Variants in MPC2 observed in about 807,000 individuals in gnomAD.
The protein encoded by MPC2 is mitochondrial pyruvate carrier 2.
In MPC2, 19 loss-of-function variants were observed where a neutral mutation model predicts 19.2. That is an observed-to-expected ratio of 0.99 (90% CI 0.69 to 1.45). MPC2 has a LOEUF of 1.45. Among genes scored for constraint, MPC2 ranks in the 40% most tolerant of loss-of-function variants. MPC2 has a pLI of 0.00. For synonymous variants in MPC2, 61 were observed against 54.3 expected (o/e 1.12, Z -0.54); for missense variants, 122 against 153.0 (o/e 0.80, Z 1.07).
In MPC2 at chr1:167,928,852, TG is replaced by T. The variant is rs1670826343; in HGVS notation, c.110-4316del. Among the ~76,000 whole-genome samples, 6 of 152,236 alleles carry T rather than the reference TG, an allele frequency of 3.9e-5. No homozygotes were observed. In the South Asian group the frequency reaches 1.2e-3, roughly 31 times the overall value. ...AAATAACTTGATTAGGTGGAAAATTTGAACTGCTGAAAATATACTGAAGAAA... is the reference window on the plus strand; with the variant it reads ...AAATAACTTGATTAGGTGGAAAATTTAACTGCTGAAAATATACTGAAGAAA... On this transcript the variant is annotated intron_variant, in intron 2 of 5. Coordinates refer to ENST00000271373, the MANE Select transcript of MPC2 (RefSeq NM_001143674.4).
At chr1:167,930,367 CT>C (rs1255837973) in intron 2 of MPC2, among the ~76,000 whole-genome samples, 1 of 152,164 alleles carries the variant, frequency 6.6e-6, no homozygotes, top group African/African-American at 2.4e-5. Flanking sequence ...TTTAGAAAGA[CT>C]GTTGAAATCA....
chr1:167,936,847 GTCCCCTCCCCCTCC>G (rs949252093), intron 1 of MPC2, 78 bp downstream of exon 1: 11 of 1,363,658 alleles, frequency 8.1e-6, no homozygotes, highest in Middle Eastern at 2.5e-4. Flanking sequence ...TGAAACGGGT[GTCCCCTCCCCCTCC>G]TCCCCTCCCC....
intron 2 of MPC2, among the ~76,000 whole-genome samples, chr1:167,929,780 C>T (rs932492945): frequency 6.6e-6 from 1 of 152,144 alleles, no homozygotes; most frequent in South Asian, 2.1e-4. Context: ...CACATATACA[C>T]ACTTACAAAT....
chr1:167,926,275 T>G (rs2102543785), intron 2 of MPC2, among the ~76,000 whole-genome samples: 1 of 152,376 alleles, frequency 6.6e-6, no homozygotes, highest in Non-Finnish European at 1.5e-5. Flanking sequence ...TAAATTTTGA[T>G]GTTCTTACAA....
At chr1:167,930,767 T>G (rs997974912) in intron 2 of MPC2, among the ~76,000 whole-genome samples, 22 of 152,220 alleles carry the variant, frequency 1.4e-4, no homozygotes, top group African/African-American at 5.3e-4. Context: ...TTAAACATAT[T>G]TCATTCTCTG....
intron 2 of MPC2, among the ~76,000 whole-genome samples, chr1:167,935,011 G>A (rs12079829): frequency 0.03 from 4,543 of 152,016 alleles, 235 homozygotes; most frequent in African/African-American, 0.1. Context: ...TTTACAAAGA[G>A]TCAAGCACAT....
At chr1:167,935,977 G>C in intron 1 of MPC2, 79 bp from the exon 2 acceptor site, 1 of 685,480 alleles carries the variant, frequency 1.5e-6, no homozygotes, top group Non-Finnish European at 2.5e-6. Flanking sequence ...CCCTTCCCGC[G>C]GCTTTCCCTG....
intron 2 of MPC2, among the ~76,000 whole-genome samples, chr1:167,929,193 T>C (rs1358531914): frequency 1.3e-5 from 2 of 150,962 alleles, no homozygotes; most frequent in African/African-American, 4.9e-5. Context: ...ACCCCATCTC[T>C]ACTAAAAATA....
chr1:167,935,941 C>T, intron 1 of MPC2, 43 bp from the exon 2 acceptor site: 1 of 895,456 alleles, frequency 1.1e-6, no homozygotes, highest in East Asian at 2.7e-5. Flanking sequence ...GCCACGACGA[C>T]TCGCGTCCGC....
intron 2 of MPC2, 47 bp downstream of exon 2, chr1:167,935,686 G>A (rs1207070948): frequency 1.3e-6 from 2 of 1,490,796 alleles, no homozygotes; most frequent in South Asian, 1.2e-5. Flanking sequence ...CATTTTAGAG[G>A]AAGCGAGAAG....
At chr1:167,936,117 C>T (rs1671176810) in intron 1 of MPC2, 1 of 508,350 alleles carries the variant, frequency 2.0e-6, no homozygotes, top group African/African-American at 2.0e-5. Flanking sequence ...CAACAGGTGC[C>T]AAAATAATCA....
At chr1:167,924,891 C>T (rs1670694867) in intron 2 of MPC2, among the ~76,000 whole-genome samples, 1 of 152,130 alleles carries the variant, frequency 6.6e-6, no homozygotes, top group Non-Finnish European at 1.5e-5. Flanking sequence ...AAAATGAACC[C>T]AGTGATAACA....
intron 2 of MPC2, among the ~76,000 whole-genome samples, chr1:167,928,591 G>A (rs1287152753): frequency 6.6e-6 from 1 of 152,082 alleles, no homozygotes; most frequent in Non-Finnish European, 1.5e-5. Context: ...ATAAAGTTTT[G>A]ACAAAACAAA....
chr1:167,920,490 G>T (rs1324222750), intron 4 of MPC2, 57 bp downstream of exon 4: 1 of 1,564,838 alleles, frequency 6.4e-7, no homozygotes, highest in Non-Finnish European at 8.7e-7. Context: ...TGATATAAAA[G>T]AAAACAAAAA....
chr1:167,925,793 C>A (rs1297939993), intron 2 of MPC2, among the ~76,000 whole-genome samples: 1 of 151,790 alleles, frequency 6.6e-6, no homozygotes, highest in Non-Finnish European at 1.5e-5. Flanking sequence ...GTGATCTGCC[C>A]GCCTCAGCCT....
intron 2 of MPC2, among the ~76,000 whole-genome samples, chr1:167,933,017 C>T (rs1670955182): frequency 6.6e-6 from 1 of 151,956 alleles, no homozygotes. Flanking sequence ...ACACATTTGG[C>T]TAGAACTCTA....
At position 167,920,649 on chromosome 1, in the gene MPC2, G is replaced by C; in HGVS notation, c.151-18C>G. 6.3e-7 allele frequency: 1 copy of C among 1,597,360 alleles called. No individual in the cohort carries two copies. ...ACCAACCCCTACACATTAACGCATA[G>C]AAAGAAAAAAAGTATCACAAATGTG... is the stretch of plus-strand genomic sequence containing the variant. On this transcript the variant is annotated intron_variant, in intron 3 of 5. Transcript: ENST00000271373.
chr1:167,931,619 CA>C (rs919711920), intron 2 of MPC2, among the ~76,000 whole-genome samples: 5 of 152,006 alleles, frequency 3.3e-5, no homozygotes, highest in African/African-American at 1.2e-4. Flanking sequence ...TCTGTGGCAA[CA>C]AAATAAGTTC....
At chr1:167,924,225 A>G (rs1044094252) in intron 3 of MPC2, among the ~76,000 whole-genome samples, 2 of 152,216 alleles carry the variant, frequency 1.3e-5, no homozygotes, top group African/African-American at 2.4e-5. Context: ...AACATTTTAG[A>G]ATGAAATTTC....
Sources: allele counts gnomAD v4.1 joint callset (sites outside exome capture counted in the v4.1 genomes callset), GRCh38; gene constraint gnomAD v4.1.1; transcripts MANE v1.5; gene names NCBI Gene and HGNC (gene_info 2026-07-23, HGNC 2026-07-21).